Variants in ZNF423 observed in about 807,000 individuals in gnomAD.
ZNF423 encodes the protein Ebf-associated zinc finger protein.
In ZNF423, 12 loss-of-function variants were observed where a neutral mutation model predicts 95.8. That is an observed-to-expected ratio of 0.13 (90% CI 0.08 to 0.20). The LOEUF is 0.20. Among genes scored for constraint, ZNF423 ranks in the 10% least tolerant of loss-of-function variants. The pLI, the probability that ZNF423 is intolerant of heterozygous loss-of-function variation, is 1.00. For missense variants in ZNF423, 1,316 were observed against 1,737.1 expected (o/e 0.76, Z 4.31); for synonymous variants, 749 against 711.9 (o/e 1.05, Z -0.83).
intron 2 of ZNF423, among the ~76,000 whole-genome samples, chr16:49,762,285 G>A (rs559948091): frequency 2.0e-5 from 3 of 152,244 alleles, no homozygotes; most frequent in African/African-American, 7.2e-5. Context: ...GTCCCCCAGC[G>A]CCCCAGAAGG....
intron 1 of ZNF423, chr16:49,854,622 C>T (rs1235011437): frequency 1.5e-5 from 15 of 985,252 alleles, no homozygotes; most frequent in Non-Finnish European, 1.8e-5. Flanking sequence ...ATCTCACAGC[C>T]GAGCGCCCGG....
At chr16:49,759,504 T>TAGGG in intron 2 of ZNF423, among the ~76,000 whole-genome samples, 1 of 152,134 alleles carries the variant, frequency 6.6e-6, no homozygotes, top group East Asian at 1.9e-4. Flanking sequence ...AGGGTCAACT[T>TAGGG]ACAGATAGGT....
At chr16:49,502,857 ACCC>A (rs1273195700) in intron 7 of ZNF423, among the ~76,000 whole-genome samples, 1 of 120,836 alleles carries the variant, frequency 8.3e-6, no homozygotes, top group African/African-American at 3.5e-5. Flanking sequence ...ACACACGGAT[ACCC>A]CCCAATCCCA....
intron 7 of ZNF423, among the ~76,000 whole-genome samples, chr16:49,495,943 G>C (rs1203054788): frequency 6.6e-6 from 1 of 152,232 alleles, no homozygotes; most frequent in Non-Finnish European, 1.5e-5. Flanking sequence ...TCAAGTGGGA[G>C]AGACGTGAGG....
intron 2 of ZNF423, among the ~76,000 whole-genome samples, chr16:49,773,942 C>T (rs1181009577): frequency 6.6e-6 from 1 of 152,210 alleles, no homozygotes; most frequent in Non-Finnish European, 1.5e-5. Flanking sequence ...TACCAACTGG[C>T]TGGCCCCAAG....
At chr16:49,761,053 C>CACAT (rs1491486929) in intron 2 of ZNF423, among the ~76,000 whole-genome samples, 1 of 33,500 alleles carries the variant, frequency 3.0e-5, no homozygotes, top group African/African-American at 3.1e-4. Context: ...CACATACATG[C>CACAT]ACACACACAC....
At chr16:49,682,949 G>A (rs1239157617) in intron 3 of ZNF423, among the ~76,000 whole-genome samples, 4 of 152,130 alleles carry the variant, frequency 2.6e-5, no homozygotes, top group East Asian at 1.9e-4. Flanking sequence ...CAACCCCACC[G>A]GGCACCCGTG....
At chr16:49,814,758 C>A (rs1266050262) in intron 1 of ZNF423, among the ~76,000 whole-genome samples, 1 of 152,092 alleles carries the variant, frequency 6.6e-6, no homozygotes, top group Non-Finnish European at 1.5e-5. Flanking sequence ...CATTTATCTA[C>A]CTCATTCAAA....
intron 5 of ZNF423, among the ~76,000 whole-genome samples, chr16:49,613,402 C>T (rs1272375172): frequency 6.6e-6 from 1 of 152,178 alleles, no homozygotes; most frequent in Non-Finnish European, 1.5e-5. Flanking sequence ...AAAAACAATT[C>T]AATGGAGAGG....
chr16:49,802,695 T>C (rs1175536996), intron 1 of ZNF423, among the ~76,000 whole-genome samples: 1 of 149,768 alleles, frequency 6.7e-6, no homozygotes, highest in East Asian at 2.0e-4. Context: ...ATGTTCCAAA[T>C]ATGTCAGAAA....
chr16:49,835,733 GGT>G (rs2035111521), intron 1 of ZNF423, among the ~76,000 whole-genome samples: 1 of 152,234 alleles, frequency 6.6e-6, no homozygotes, highest in South Asian at 2.1e-4. Context: ...CTGCATAGGA[GGT>G]GGTGGGGGGG....
At chr16:49,712,377 T>C (rs1288546547) in intron 3 of ZNF423, among the ~76,000 whole-genome samples, 1 of 151,998 alleles carries the variant, frequency 6.6e-6, no homozygotes, top group Non-Finnish European at 1.5e-5. Context: ...CTTAGGAATG[T>C]CCAGAGGGGA....
chr16:49,774,528 T>C (rs1441064706), intron 2 of ZNF423, among the ~76,000 whole-genome samples: 1 of 152,194 alleles, frequency 6.6e-6, no homozygotes, highest in East Asian at 1.9e-4. Flanking sequence ...TGCAGGTGTA[T>C]GCATGTGTGT....
At chr16:49,746,940 G>A (rs933448270) in intron 2 of ZNF423, among the ~76,000 whole-genome samples, 1 of 152,142 alleles carries the variant, frequency 6.6e-6, no homozygotes. Context: ...CTCCGAGCTC[G>A]GCCCATGACC....
intron 3 of ZNF423, among the ~76,000 whole-genome samples, chr16:49,710,575 T>TC (rs1287400436): frequency 3.9e-5 from 6 of 152,004 alleles, no homozygotes; most frequent in Admixed American, 3.9e-4. Flanking sequence ...ATCCTCTCCA[T>TC]CCCCGGCATC....
intron 1 of ZNF423, among the ~76,000 whole-genome samples, chr16:49,848,998 C>T (rs1040214377): frequency 1.3e-5 from 2 of 152,116 alleles, no homozygotes; most frequent in African/African-American, 4.8e-5. Context: ...AGGGGGCAGG[C>T]ATCTAAAAAA....
At chr16:49,799,008 T>C (rs1196473387) in intron 1 of ZNF423, among the ~76,000 whole-genome samples, 1 of 152,152 alleles carries the variant, frequency 6.6e-6, no homozygotes, top group Non-Finnish European at 1.5e-5. Flanking sequence ...GCAGAGCTCA[T>C]CTAGCTATGG....
chr16:49,824,115 T>C (rs1298895990), intron 1 of ZNF423, among the ~76,000 whole-genome samples: 1 of 152,112 alleles, frequency 6.6e-6, no homozygotes, highest in Non-Finnish European at 1.5e-5. Context: ...GTAGTTTTTC[T>C]CATCTAGGGT....
intron 1 of ZNF423, among the ~76,000 whole-genome samples, chr16:49,846,646 C>T (rs545295336): frequency 6.6e-6 from 1 of 152,292 alleles, no homozygotes; most frequent in African/African-American, 2.4e-5. Flanking sequence ...TGGCCTCCAC[C>T]CCAGAGACAG....
Sources: gnomAD v4.1 joint callset for allele counts (sites outside exome capture counted in the v4.1 genomes callset) on GRCh38, gnomAD v4.1.1 for gene constraint, MANE v1.5 for transcripts, NCBI Gene and HGNC (gene_info 2026-07-23, HGNC 2026-07-21) for gene names.